The following SLC23A2 variants were observed in gnomAD, a reference collection of about 807,000 sequenced individuals.
SLC23A2 encodes Na(+)/L-ascorbic acid transporter 2.
SLC23A2 carries 36 observed loss-of-function variants against 73.3 expected under a neutral mutation model. That is an observed-to-expected ratio of 0.49 (90% CI 0.38 to 0.65). The LOEUF (loss-of-function observed/expected upper bound fraction) is 0.65, where lower values mean the gene tolerates loss of function less well. Ranked by LOEUF, SLC23A2 falls within the 30% of genes least tolerant of loss-of-function variation. The pLI is 0.00. For synonymous variants in SLC23A2, 343 were observed against 327.3 expected (o/e 1.05, Z -0.52); for missense variants, 507 against 841.6 (o/e 0.60, Z 4.92).
intron 2 of SLC23A2, among the ~76,000 whole-genome samples, chr20:4,958,470 C>A (rs1393850862): frequency 6.6e-6 from 1 of 152,158 alleles, no homozygotes; most frequent in Non-Finnish European, 1.5e-5. Flanking sequence ...ATAAAATAGT[C>A]CAACTAGTAA....
chr20:4,888,898 G>A (rs1931208105), intron 6 of SLC23A2, among the ~76,000 whole-genome samples: 1 of 152,174 alleles, frequency 6.6e-6, no homozygotes, highest in South Asian at 2.1e-4. Context: ...ATCTCGTCCT[G>A]GTTAGCCAGA....
At chr20:4,988,739 A>AG (rs1219164841) in intron 1 of SLC23A2, among the ~76,000 whole-genome samples, 1 of 151,142 alleles carries the variant, frequency 6.6e-6, no homozygotes, top group Non-Finnish European at 1.5e-5. Flanking sequence ...CGTCTCAAAA[A>AG]AAAAAAAAGA....
intron 6 of SLC23A2, among the ~76,000 whole-genome samples, chr20:4,895,187 C>T (rs904889393): frequency 6.6e-6 from 1 of 152,242 alleles, no homozygotes; most frequent in Non-Finnish European, 1.5e-5. Flanking sequence ...ACTTTTCCTT[C>T]TGCTGCCCTA....
Position 4,899,809 on chromosome 20 carries a change from T to C in SLC23A2, c.325-97A>G. On this transcript the variant is annotated intron_variant, in intron 5 of 16. Transcript: ENST00000338244. This position sits in a 1 kb window ranked among gnomAD's most constrained non-coding sequence, Gnocchi z 4.9. ...CTTCTCTCTTATTGTCGTTAAAAAA[T>C]AGCCCACATAAAGAATCTCCTTGGT... 1.6e-6 allele frequency: 2 copies of C among 1,247,046 alleles called. No individual in the cohort carries two copies. The highest frequency in any genetic ancestry group is 2.3e-6 in the Non-Finnish European group (2 of 886,636). The allele number at this position is 1,247,046 out of a possible 1,614,324, so 77.2% of individuals were successfully genotyped here.
intron 2 of SLC23A2, among the ~76,000 whole-genome samples, chr20:4,967,785 G>A (rs564103948): frequency 6.6e-6 from 1 of 152,288 alleles, no homozygotes; most frequent in African/African-American, 2.4e-5. Flanking sequence ...CATCTGTGGT[G>A]GTTCTAGCAA....
At chr20:5,000,798 G>A (rs951352239) in intron 1 of SLC23A2, among the ~76,000 whole-genome samples, 1 of 152,216 alleles carries the variant, frequency 6.6e-6, no homozygotes, top group Non-Finnish European at 1.5e-5. Context: ...GTGGCAAGGA[G>A]GGGGACTCGC....
chr20:5,007,849 G>A (rs1280856050), intron 1 of SLC23A2, among the ~76,000 whole-genome samples: 1 of 151,834 alleles, frequency 6.6e-6, no homozygotes, highest in Non-Finnish European at 1.5e-5. Flanking sequence ...CAACTACATT[G>A]TAGTGTGCTT....
At chr20:4,926,315 C>T (rs1322145248) in intron 3 of SLC23A2, among the ~76,000 whole-genome samples, 5 of 152,138 alleles carry the variant, frequency 3.3e-5, no homozygotes, top group Admixed American at 1.3e-4. Context: ...TGAATGATGA[C>T]GCACTGAAAC....
intron 11 of SLC23A2, among the ~76,000 whole-genome samples, chr20:4,871,239 A>G (rs1930434718): frequency 6.6e-6 from 1 of 152,152 alleles, no homozygotes; most frequent in Non-Finnish European, 1.5e-5. Flanking sequence ...GGGACACAGG[A>G]CACTCCAAAA....
chr20:4,951,863 G>A (rs2087207604), intron 2 of SLC23A2, among the ~76,000 whole-genome samples: 1 of 151,960 alleles, frequency 6.6e-6, no homozygotes, highest in Non-Finnish European at 1.5e-5. Context: ...TAGCACTTTG[G>A]GAGGCTGAGG....
intron 1 of SLC23A2, among the ~76,000 whole-genome samples, chr20:4,975,717 T>TTTTGTCATAATTTTTGC (rs2122241132): frequency 6.6e-6 from 1 of 151,692 alleles, no homozygotes; most frequent in East Asian, 1.9e-4. Context: ...ATATGACATG[T>TTTTGTCATAATTTTTGC]AAAGAATGAC....
chr20:4,978,869 G>A (rs1358576691), intron 1 of SLC23A2, among the ~76,000 whole-genome samples: 1 of 152,174 alleles, frequency 6.6e-6, no homozygotes, highest in Non-Finnish European at 1.5e-5. Flanking sequence ...AATACAAACG[G>A]ATGCCGATTT....
At chr20:4,957,809 G>A (rs1432063872) in intron 2 of SLC23A2, among the ~76,000 whole-genome samples, 1 of 150,532 alleles carries the variant, frequency 6.6e-6, no homozygotes, top group Non-Finnish European at 1.5e-5. Flanking sequence ...GCTGAGGCAG[G>A]AGAATCCCCT....
chr20:4,999,523 T>C (rs1004882956), intron 1 of SLC23A2, among the ~76,000 whole-genome samples: 1 of 151,748 alleles, frequency 6.6e-6, no homozygotes, highest in African/African-American at 2.4e-5. Context: ...AGCCAGGTAC[T>C]GGTTTTTTTT....
chr20:4,925,663 G>A (rs982908289), intron 3 of SLC23A2, among the ~76,000 whole-genome samples: 5 of 151,984 alleles, frequency 3.3e-5, no homozygotes, highest in African/African-American at 1.2e-4. Context: ...ACCCCAAAAC[G>A]AGCAAATTTA....
intron 4 of SLC23A2, among the ~76,000 whole-genome samples, chr20:4,912,309 A>G (rs1932185059): frequency 6.6e-6 from 1 of 152,010 alleles, no homozygotes; most frequent in African/African-American, 2.4e-5. Context: ...AAGGTGCCAA[A>G]GGTGCTACGG....
chr20:5,004,231 C>T (rs1052046317), upstream of SLC23A2, among the ~76,000 whole-genome samples: 1 of 152,128 alleles, frequency 6.6e-6, no homozygotes, highest in African/African-American at 2.4e-5. Context: ...TTATTTTCTC[C>T]CATAAACTGG....
Position 4,902,530 on chromosome 20 carries a change from G to C in SLC23A2, c.236C>G (p.Thr79Ser). The C allele has an allele frequency of 6.2e-7, 1 of 1,611,768 alleles. No homozygotes were observed. Among genetic ancestry groups the C allele is most frequent in the Non-Finnish European group, 8.5e-7 (1 of 1,178,474 alleles). The part of the protein sequence containing the change: ...KSSLAETLDS[T>S]GSLDPQRSDM... ...TGATCGCTGGGGGTCCAGACTGCCA[G>C]TGCTATCCAGGGTCTCAGCGAGAGA... The change falls in exon 5 of 17, where the codon ACT becomes AGT. Residue 79 changes from threonine to serine, a missense_variant. Coordinates refer to ENST00000338244, the MANE Select transcript of SLC23A2 (RefSeq NM_005116.6). This position sits in a 1 kb window ranked among gnomAD's most constrained non-coding sequence, Gnocchi z 4.0.
chr20:4,997,301 G>A lies in SLC23A2; in HGVS notation c.-282+4105C>T, dbSNP rs183945829. Among the ~76,000 whole-genome samples the A allele has an allele frequency of 8.2e-4, 125 of 152,124 alleles. 1 individual carries two copies. Among genetic ancestry groups the A allele is most frequent in the Admixed American group, 2.9e-3 (44 of 15,260 alleles). On this transcript the variant is annotated intron_variant, in intron 1 of 16. Transcript: ENST00000338244. ...AAATCTACCAGCCTTACAGTGGTCCGCATGGCCTTACATGATCTGACCCCC... is the reference window on the plus strand; with the variant it reads ...AAATCTACCAGCCTTACAGTGGTCCACATGGCCTTACATGATCTGACCCCC...
Sources: gnomAD v4.1 joint callset for allele counts (sites outside exome capture counted in the v4.1 genomes callset) on GRCh38, gnomAD v4.1.1 for gene constraint, Gnocchi (gnomAD v3.1) non-coding constraint, MANE v1.5 for transcripts, NCBI Gene and HGNC (gene_info 2026-07-23, HGNC 2026-07-21) for gene names.